Variants in PNPLA6 observed in about 807,000 individuals in gnomAD.
PNPLA6 encodes patatin like domain 6, lysophospholipase.
A neutral mutation model predicts 153.7 loss-of-function variants in PNPLA6; 105 were observed. The observed-to-expected ratio is 0.68, with a 90% CI of 0.58 to 0.80. PNPLA6 has a LOEUF of 0.80. Among genes scored for constraint, PNPLA6 ranks in the 30% least tolerant of loss-of-function variants. The pLI is 0.00. For synonymous variants in PNPLA6, 825 were observed against 822.2 expected, an observed-to-expected ratio of 1.00 and a Z score of -0.06; for missense variants, 1,423 against 1,919.3, an observed-to-expected ratio of 0.74 and a Z score of 4.83.
chr19:7,554,241 CG>C lies in PNPLA6; in HGVS notation c.2437del (p.Ala813HisfsTer38). 1 of 1,611,532 alleles carries C rather than the reference CG, an allele frequency of 6.2e-7. No individual in the cohort carries two copies. Among genetic ancestry groups the C allele is most frequent in the Non-Finnish European group, 8.5e-7 (1 of 1,178,560 alleles). On this transcript the variant is annotated frameshift_variant, in exon 20 of 32. Transcript: ENST00000600737. LOFTEE classifies it high-confidence loss of function. ...PTLLLNSDII[R>X]ARLGASALDS... ...GCTACTCCTTAACAGTGACATCATCCGGGCACGCCTGGGGGCCTCCGCACTG... is the reference window on the plus strand; with the variant it reads ...GCTACTCCTTAACAGTGACATCATCCGGCACGCCTGGGGGCCTCCGCACTG...
intron 3 of PNPLA6, among the ~76,000 whole-genome samples, chr19:7,537,443 G>A (rs901719351): frequency 3.9e-5 from 6 of 152,142 alleles, no homozygotes; most frequent in African/African-American, 1.4e-4. Context: ...AGAAATATAG[G>A]AAGGATGCAT....
intron 27 of PNPLA6, among the ~76,000 whole-genome samples, chr19:7,558,429 C>T (rs537339351): frequency 1.3e-5 from 2 of 152,200 alleles, no homozygotes; most frequent in East Asian, 1.9e-4. Flanking sequence ...GTCAGGAATT[C>T]GAGGCCAGCC....
At chr19:7,554,827 CAGGG>C in intron 21 of PNPLA6, 62 bp from the exon 22 acceptor site, 1 of 1,569,498 alleles carries the variant, frequency 6.4e-7, no homozygotes, top group African/African-American at 1.3e-5. Context: ...GGTAGGCGAT[CAGGG>C]ACCCAGGTGT....
rs772124781 is a variant in PNPLA6, at chr19:7,551,068, C to T, written c.2145C>T (p.Pro715=). The change falls in exon 17 of 32, where the codon CCC becomes CCT. Residue 715 remains proline, a synonymous_variant. Coordinates refer to ENST00000600737, the MANE Select transcript of PNPLA6 (RefSeq NM_001166114.2). ...AVRDTELAKL[P]EGTLGHIKRR... ...GCGACACGGAGCTGGCCAAGCTTCC[C>T]GAGGGCACCTTGGGTCACATCAAAC... The T allele has an allele frequency of 6.5e-7, 1 of 1,547,214 alleles. No individual in the cohort carries two copies. Among genetic ancestry groups the T allele is most frequent in the South Asian group, 1.2e-5 (1 of 83,970 alleles).
rs966033201 is a variant in PNPLA6 at position 7,545,864 on chromosome 19, C to A, written c.1608+2780C>A. Reference sequence around the variant, plus strand: ...GAGACAGGTTGCAGTGAGCTGAGATCGCACCCCTGCACTCCAGCCTGTGCA... The same window carrying A: ...GAGACAGGTTGCAGTGAGCTGAGATAGCACCCCTGCACTCCAGCCTGTGCA... On this transcript the variant is annotated intron_variant, in intron 13 of 31. Transcript: ENST00000600737. Among the ~76,000 whole-genome samples, 17 of 147,704 alleles carry A rather than the reference C, an allele frequency of 1.2e-4. 1 individual carries two copies. The highest frequency in any genetic ancestry group is 4.0e-4 in the African/African-American group (16 of 39,972).
At position 7,536,446 on chromosome 19, in the gene PNPLA6, C is replaced by G; in HGVS notation, c.316-3C>G. ...TCACCCATCTCCGCCTTCATTCTCC[C>G]AGGTGTCACAATCCACCTCCTCCCT... On this transcript the variant is annotated splice_polypyrimidine_tract_variant and splice_region_variant and intron_variant, in intron 2 of 31. Transcript: ENST00000600737. 1 of 1,604,910 alleles carries G rather than the reference C, an allele frequency of 6.2e-7. No homozygotes were observed. Among genetic ancestry groups the G allele is most frequent in the South Asian group, 1.1e-5 (1 of 90,888 alleles).
intron 18 of PNPLA6, 23 bp downstream of exon 18, chr19:7,551,460 C>G (rs2023646698): frequency 5.0e-6 from 8 of 1,597,292 alleles, no homozygotes; most frequent in Non-Finnish European, 6.0e-6. Context: ...CGGCCCAGAG[C>G]GTGCTGGGAG....
Position 7,539,981 on chromosome 19 carries a change from A to G in PNPLA6, c.477A>G (p.Leu159=). The G allele has an allele frequency of 6.3e-7, 1 of 1,587,092 alleles. No individual in the cohort carries two copies. Among genetic ancestry groups the G allele is most frequent in the Non-Finnish European group, 8.6e-7 (1 of 1,166,796 alleles). Residue 159 remains leucine, a synonymous_variant, in exon 4 of 32, where the codon CTA becomes CTG. Coordinates refer to ENST00000600737, the MANE Select transcript of PNPLA6 (RefSeq NM_001166114.2). ...LQRKEPPPAV[L]EADLTEGDLA... ...GGAAGGAGCCCCCGCCCGCAGTGCT[A>G]GAAGCTGACCTGACCGAGGGCGACC...
intron 13 of PNPLA6, among the ~76,000 whole-genome samples, chr19:7,543,959 G>A (rs1381345563): frequency 2.2e-5 from 3 of 136,312 alleles, no homozygotes; most frequent in African/African-American, 8.3e-5. Flanking sequence ...GACTACAGGC[G>A]CCTGCCACCA....
chr19:7,543,237 G>T (rs1388873470), intron 13 of PNPLA6, among the ~76,000 whole-genome samples, 153 bp downstream of exon 13: 1 of 152,042 alleles, frequency 6.6e-6, no homozygotes, highest in African/African-American at 2.4e-5. Context: ...TCTAACCCTT[G>T]GGTCCTGTGA....
chr19:7,549,779 G>A (rs1480503413), intron 13 of PNPLA6, 128 bp from the exon 14 acceptor site: 2 of 913,332 alleles, frequency 2.2e-6, no homozygotes, highest in East Asian at 2.6e-5. Flanking sequence ...GAGCCACCGC[G>A]CCCTGCGCCT....
chr19:7,543,805 T>C (rs1224999065), intron 13 of PNPLA6, among the ~76,000 whole-genome samples: 1 of 151,388 alleles, frequency 6.6e-6, no homozygotes, highest in Non-Finnish European at 1.5e-5. Context: ...GTAAGACTTC[T>C]TTTTTTTCTT....
intron 18 of PNPLA6, among the ~76,000 whole-genome samples, chr19:7,552,720 A>G (rs1316358856): frequency 1.4e-5 from 2 of 146,158 alleles, no homozygotes; most frequent in African/African-American, 5.0e-5. Flanking sequence ...ACGCCATTGC[A>G]CTCCAGCCTG....
Position 7,550,399 on chromosome 19 carries a change from C to T in PNPLA6, c.1916C>T (p.Thr639Ile), listed in dbSNP as rs756498926. The change falls in exon 15 of 32, where the codon ACT (threonine) becomes ATT (isoleucine). Residue 639 changes from threonine (T) to isoleucine (I), a missense_variant. Physicochemically the swap from Thr to Ile is moderately conservative, Grantham distance 89. This residue lies in a region of PNPLA6 where 63 missense variants were observed against 166.2 expected (regional missense o/e 0.38). Transcript: ENST00000600737. ...VRQMDFAIDW[T>I]AVEAGRALYR... Reference sequence around the variant, plus strand: ...CAGATGGACTTCGCCATCGACTGGACTGCAGTGGAGGCGGGACGCGCGCTG... The same window carrying T: ...CAGATGGACTTCGCCATCGACTGGATTGCAGTGGAGGCGGGACGCGCGCTG... The T allele has an allele frequency of 4.3e-6, 7 of 1,611,892 alleles. No homozygotes were observed. The highest frequency in any genetic ancestry group is 1.7e-5 in the Admixed American group (1 of 60,018).
chr19:7,551,261 C>A, intron 17 of PNPLA6, 101 bp from the exon 18 acceptor site: 1 of 1,272,834 alleles, frequency 7.9e-7, no homozygotes, highest in South Asian at 1.2e-5. Context: ...GGGTGGGACC[C>A]AGGTAACGGG....
Position 7,540,495 on chromosome 19 carries a change from C to A in PNPLA6, c.715-135C>A. 2 of 976,278 alleles carry A rather than the reference C, an allele frequency of 2.0e-6. No homozygotes were observed. The highest frequency in any genetic ancestry group is 3.2e-6 in the Non-Finnish European group (2 of 619,140). The allele number at this position is 976,278 out of a possible 1,614,324, so 60.5% of individuals were successfully genotyped here. On this transcript the variant is annotated intron_variant, in intron 5 of 31. Transcript: ENST00000600737. This position sits in a 1 kb window ranked among gnomAD's most constrained non-coding sequence, Gnocchi z 6.8. ...TACAAGTATTGAACGATGGGAGATG[C>A]CTGCTCGTTGGAAGGGTTGGTGGGT...
In PNPLA6 at chr19:7,556,560, G is replaced by T. The variant is rs1458874254; in HGVS notation, c.3201G>T (p.Lys1067Asn). 1 of 1,611,430 alleles carries T rather than the reference G, an allele frequency of 6.2e-7. No homozygotes were observed. The highest frequency in any genetic ancestry group is 1.7e-5 in the Admixed American group (1 of 59,994). ...GCATCCATCGGGTCTTCCAGGATAA[G>T]CAGATTGAGGTAGGCCCACCTCATC... Reference protein sequence around the residue: ...NRSIHRVFQDKQIEDLWLPYF... With the variant: ...NRSIHRVFQDNQIEDLWLPYF... The change falls in exon 25 of 32, where the codon AAG (lysine) becomes AAT (asparagine). Residue 1067 changes from lysine to asparagine, a missense_variant. Transcript: ENST00000600737.
Position 7,539,904 on chromosome 19 carries a change from T to G in PNPLA6, c.414-14T>G. ...GTGCCCCCCTCACCCCCGGCACCCC[T>G]CCCCTCCCACCAGGATCCTGCGCAT... On this transcript the variant is annotated splice_polypyrimidine_tract_variant and intron_variant, in intron 3 of 31. Transcript: ENST00000600737. 4.5e-6 allele frequency: 4 copies of G among 897,052 alleles called. No homozygotes were observed. The highest frequency in any genetic ancestry group is 6.4e-6 in the Non-Finnish European group (4 of 620,180). 55.6% of individuals were successfully genotyped at this position (897,052 alleles called of 1,614,324 possible).
Position 7,560,753 on chromosome 19 carries a change from C to T in PNPLA6, c.3805C>T (p.Arg1269Cys), listed in dbSNP as rs2024064953. 1.9e-6 allele frequency: 3 copies of T among 1,603,814 alleles called. No individual in the cohort carries two copies. Among genetic ancestry groups the T allele is most frequent in the Non-Finnish European group, 2.6e-6 (3 of 1,170,904 alleles). Residue 1269 changes from arginine to cysteine, a missense_variant, in exon 29 of 32, where the codon CGC (arginine) becomes TGC (cysteine). Transcript: ENST00000600737. ...GCGGTCTACAGACCTTAATGAGAGC[C>T]GCCGTGCAGACGTAAGCCTGTGATG... ...DRRSTDLNES[R>C]RADVLAFPSS...
Sources: gnomAD v4.1 joint callset for allele counts (sites outside exome capture counted in the v4.1 genomes callset) on GRCh38, gnomAD v4.1.1 for gene constraint, gnomAD v4.1.1 regional missense constraint, Gnocchi (gnomAD v3.1) non-coding constraint, MANE v1.5 for transcripts, NCBI Gene and HGNC (gene_info 2026-07-23, HGNC 2026-07-21) for gene names.